TMEM232: variants seen among roughly 807,000 people sequenced by gnomAD.
TMEM232 encodes transmembrane protein 232.
Under a neutral mutation model 78.8 loss-of-function variants are expected in TMEM232, and 80 were observed. That is an observed-to-expected ratio of 1.01 (90% confidence interval 0.85 to 1.22). The LOEUF is 1.22. TMEM232 is among the 50% of genes most tolerant of loss of function. The pLI is 0.00. For missense variants in TMEM232, 881 were observed against 742.2 expected (o/e 1.19, Z -2.17); for synonymous variants, 297 against 254.3 (o/e 1.17, Z -1.60).
intron 12 of TMEM232, among the ~76,000 whole-genome samples, chr5:110,431,427 T>C (rs548210543): frequency 3.3e-5 from 5 of 151,794 alleles, no homozygotes; most frequent in African/African-American, 1.2e-4. Flanking sequence ...ACTGGTTAGA[T>C]GAAAATGCTC....
chr5:110,443,250 T>G (rs2112772695), intron 12 of TMEM232, among the ~76,000 whole-genome samples: 1 of 152,280 alleles, frequency 6.6e-6, no homozygotes, highest in East Asian at 1.9e-4. Flanking sequence ...CTTAGAAGTT[T>G]ACCGATGTTC....
At chr5:110,616,545 A>G (rs1782948655) in intron 8 of TMEM232, among the ~76,000 whole-genome samples, 1 of 152,064 alleles carries the variant, frequency 6.6e-6, no homozygotes, top group Non-Finnish European at 1.5e-5. Context: ...ATATGTGAAA[A>G]CCATACATTT....
At chr5:110,496,083 A>G (rs1259048829) in intron 12 of TMEM232, among the ~76,000 whole-genome samples, 1 of 151,886 alleles carries the variant, frequency 6.6e-6, no homozygotes, top group Non-Finnish European at 1.5e-5. Flanking sequence ...CAAAATTATA[A>G]TAAAAATTTT....
intron 12 of TMEM232, among the ~76,000 whole-genome samples, chr5:110,467,886 G>GTTGT (rs1212251970): frequency 2.0e-5 from 3 of 148,774 alleles, no homozygotes; most frequent in African/African-American, 7.5e-5. Flanking sequence ...GGGTTCTTTT[G>GTTGT]TTGTTTGTTT....
intron 11 of TMEM232, among the ~76,000 whole-genome samples, chr5:110,562,755 A>G (rs1471909764): frequency 6.6e-6 from 1 of 151,844 alleles, no homozygotes; most frequent in Non-Finnish European, 1.5e-5. Context: ...TTTATTTCAT[A>G]TTTTTTCTGA....
At chr5:110,547,780 T>C (rs1773953229) in intron 11 of TMEM232, among the ~76,000 whole-genome samples, 1 of 151,970 alleles carries the variant, frequency 6.6e-6, no homozygotes, top group South Asian at 2.1e-4. Context: ...GGCAGATCAC[T>C]TGAGGTCAGG....
rs140559154 is a variant in TMEM232, at chr5:110,480,268, CATTTT to C, written c.1703+48315_1703+48319del. ...TCTTCAGAGATTAAGAAAAAATAAC[CATTTT>C]ATTTTTTATATTCATCTTTTACTAA... On this transcript the variant is annotated intron_variant, in intron 12 of 13. Coordinates refer to ENST00000455884, the MANE Select transcript of TMEM232 (RefSeq NM_001039763.4). Among the ~76,000 whole-genome samples, 123 of 151,800 alleles carry C rather than the reference CATTTT, an allele frequency of 8.1e-4. 1 individual carries two copies. The East Asian group carries it at 0.02, about 25-fold the overall frequency.
intron 1 of TMEM232, among the ~76,000 whole-genome samples, chr5:110,678,393 A>G (rs1282261484): frequency 6.6e-6 from 1 of 152,000 alleles, no homozygotes; most frequent in Admixed American, 6.6e-5. Flanking sequence ...GCAGTTTTAG[A>G]GCAAAATTGG....
At chr5:110,716,058 T>C (rs1334402906) in intron 1 of TMEM232, among the ~76,000 whole-genome samples, 2 of 152,066 alleles carry the variant, frequency 1.3e-5, no homozygotes, top group African/African-American at 4.8e-5. Flanking sequence ...CCAATGTATA[T>C]CTTAATTGTA....
At chr5:110,589,872 A>G in intron 10 of TMEM232, among the ~76,000 whole-genome samples, 1 of 152,298 alleles carries the variant, frequency 6.6e-6, no homozygotes, top group South Asian at 2.1e-4. Context: ...TGTATGTTTA[A>G]ATAAATTAAT....
chr5:110,595,703 A>C (rs1780075445), intron 10 of TMEM232, among the ~76,000 whole-genome samples: 1 of 152,190 alleles, frequency 6.6e-6, no homozygotes, highest in Admixed American at 6.5e-5. Context: ...TAATGAAACA[A>C]AGCATAAAGA....
In TMEM232 at chr5:110,627,892, G is replaced by T; in HGVS notation, c.502-12C>A. 1 of 1,477,592 alleles carries T rather than the reference G, an allele frequency of 6.8e-7. No homozygotes were observed. The highest frequency in any genetic ancestry group is 9.1e-7 in the Non-Finnish European group (1 of 1,102,412). The allele number at this position is 1,477,592 out of a possible 1,614,324, so 91.5% of individuals were successfully genotyped here. The stretch of plus-strand genomic sequence containing the variant: ...ACCAAATAGCCAATCTGTCAAAAGA[G>T]AAAAGAAAAATACATTTTTGTGTTG... On this transcript the variant is annotated splice_polypyrimidine_tract_variant and intron_variant, in intron 5 of 13. Coordinates refer to ENST00000455884, the MANE Select transcript of TMEM232 (RefSeq NM_001039763.4).
rs1422495 is a variant in TMEM232 at position 110,638,201 on chromosome 5, T to G, written c.498A>C (p.Ala166=). The change falls in exon 5 of 14, where the codon GCA becomes GCC. Residue 166 remains alanine, a synonymous_variant. Transcript: ENST00000455884. ...TAAGAAGTTTTTCAAAACATACCTTTGCTAGCTTTATTTCAACTGAATATA... is the reference window on the plus strand; with the variant it reads ...TAAGAAGTTTTTCAAAACATACCTTGGCTAGCTTTATTTCAACTGAATATA... ...TYLYSVEIKL[A]KIGYLVFLRL... is the part of the protein sequence containing the mutation. 0.091 allele frequency: 140,046 copies of G among 1,539,564 alleles called. 6,589 individuals carry two copies. The highest frequency in any genetic ancestry group is 0.13 in the Admixed American group (6,306 of 48,940).
At chr5:110,431,153 T>G (rs1305756518) in intron 12 of TMEM232, among the ~76,000 whole-genome samples, 2 of 151,386 alleles carry the variant, frequency 1.3e-5, no homozygotes, top group Non-Finnish European at 3.0e-5. Context: ...CACACACCAC[T>G]AAGTTTCCCC....
At chr5:110,692,883 G>A (rs1447917089) in intron 1 of TMEM232, among the ~76,000 whole-genome samples, 1 of 152,190 alleles carries the variant, frequency 6.6e-6, no homozygotes, top group South Asian at 2.1e-4. Flanking sequence ...TAGGGGCAGG[G>A]CACAGACAAA....
At chr5:110,467,205 A>G (rs112755121) in intron 12 of TMEM232, among the ~76,000 whole-genome samples, 2 of 152,178 alleles carry the variant, frequency 1.3e-5, no homozygotes, top group African/African-American at 4.8e-5. Flanking sequence ...ACTGGATAAA[A>G]AAGGTTTTCA....
At chr5:110,515,178 G>A (rs1768424932) in intron 12 of TMEM232, among the ~76,000 whole-genome samples, 1 of 152,118 alleles carries the variant, frequency 6.6e-6, no homozygotes. Flanking sequence ...TCCATCTAAG[G>A]GTAGTACTTC....
chr5:110,630,692 TA>T (rs1323649805), intron 5 of TMEM232, among the ~76,000 whole-genome samples: 1 of 152,140 alleles, frequency 6.6e-6, no homozygotes, highest in Non-Finnish European at 1.5e-5. Context: ...GTGAGAATAT[TA>T]AACCCCTTTT....
chr5:110,500,661 G>C (rs1436044536), intron 12 of TMEM232, among the ~76,000 whole-genome samples: 3 of 151,886 alleles, frequency 2.0e-5, no homozygotes, highest in African/African-American at 7.2e-5. Context: ...CTAAATGGAA[G>C]GAAAAATAAA....
Sources: gnomAD v4.1 joint callset for allele counts (sites outside exome capture counted in the v4.1 genomes callset) on GRCh38, gnomAD v4.1.1 for gene constraint, MANE v1.5 for transcripts, NCBI Gene and HGNC (gene_info 2026-07-23, HGNC 2026-07-21) for gene names.